Variants in IGHMBP2 observed in about 807,000 individuals in gnomAD.
The protein encoded by IGHMBP2 is immunoglobulin mu DNA binding protein 2.
Under a neutral mutation model 96.0 loss-of-function variants are expected in IGHMBP2, and 81 were observed. The ratio of observed to expected loss-of-function variants is 0.84; its 90% CI spans 0.71 to 1.01. The LOEUF is 1.01. Ranked by LOEUF, IGHMBP2 falls within the 50% of genes least tolerant of loss-of-function variation. IGHMBP2 has a pLI of 0.00. For missense variants in IGHMBP2, 1,227 were observed against 1,306.3 expected (o/e 0.94, Z 0.94); for synonymous variants, 557 against 548.9 (o/e 1.01, Z -0.21).
chr11:68,925,023 A>G lies in IGHMBP2; in HGVS notation c.1061-4160A>G, dbSNP rs543627717. ...TAGCATATTTTATGTGTGGCCCAAG[A>G]CAATTCTTCTTCTTTTAATATGGCC... On this transcript the variant is annotated intron_variant, in intron 7 of 14. Transcript: ENST00000255078. Among the ~76,000 whole-genome samples, 203 of 152,050 alleles carry G rather than the reference A, an allele frequency of 1.3e-3. 2 individuals carry two copies. The highest frequency in any genetic ancestry group is 4.3e-4 in the Non-Finnish European group (29 of 68,014).
At chr11:68,934,924 G>A (rs1859466581) in intron 11 of IGHMBP2, among the ~76,000 whole-genome samples, 1 of 152,256 alleles carries the variant, frequency 6.6e-6, no homozygotes. Flanking sequence ...GAGCCTTGCT[G>A]GTCTGGCTCA....
At chr11:68,933,621 G>A (rs1859403997) in intron 9 of IGHMBP2, 140 bp downstream of exon 9, 2 of 1,190,882 alleles carry the variant, frequency 1.7e-6, no homozygotes, top group South Asian at 1.3e-5. Flanking sequence ...AAGAGAGGGT[G>A]GCCTTGCCCT....
Position 68,933,923 on chromosome 11 carries a change from C to G in IGHMBP2, c.1537+10C>G. 6.4e-7 allele frequency: 1 copy of G among 1,555,460 alleles called. No homozygotes were observed. Among genetic ancestry groups the G allele is most frequent in the South Asian group, 1.2e-5 (1 of 86,606 alleles). The stretch of plus-strand genomic sequence containing the variant: ...TCGAAAGGGAACCCTGGTGAGCTTG[C>G]TTGCAGATGGCCAGCTTTTTTGTTT... On this transcript the variant is annotated intron_variant, in intron 10 of 14. Transcript: ENST00000255078.
chr11:68,924,392 C>G (rs1858988799), intron 7 of IGHMBP2, among the ~76,000 whole-genome samples: 1 of 152,228 alleles, frequency 6.6e-6, no homozygotes, highest in Non-Finnish European at 1.5e-5. Flanking sequence ...GAAAACAACC[C>G]ACGTTTATTA....
At chr11:68,922,755 T>A (rs369995027) in intron 7 of IGHMBP2, among the ~76,000 whole-genome samples, 1 of 152,212 alleles carries the variant, frequency 6.6e-6, no homozygotes, top group African/African-American at 2.4e-5. Context: ...AATGTTTAAG[T>A]GTACTATATA....
chr11:68,920,013 T>C (rs1323072257), intron 7 of IGHMBP2, among the ~76,000 whole-genome samples: 1 of 152,184 alleles, frequency 6.6e-6, no homozygotes, highest in Non-Finnish European at 1.5e-5. Context: ...TCTAGAACAT[T>C]TTCATCTTGC....
intron 13 of IGHMBP2, 128 bp from the exon 14 acceptor site, chr11:68,938,054 T>G: frequency 3.8e-6 from 4 of 1,044,890 alleles, no homozygotes; most frequent in Non-Finnish European, 6.0e-6. Context: ...TCCTCCTACC[T>G]CAGCCTCCCA....
rs1485885635 is a variant in IGHMBP2, at chr11:68,917,731, T to TA, written c.913-4dup. 6.2e-7 allele frequency: 1 copy of TA among 1,608,382 alleles called. No homozygotes were observed. The highest frequency in any genetic ancestry group is 8.5e-7 in the Non-Finnish European group (1 of 1,175,462). Reference sequence around the variant, plus strand: ...TAAGTGTATCTCCTTTGTTTTTCTTTATAGGTGAAAAACAAAAAGACCCAG... The same window carrying TA: ...TAAGTGTATCTCCTTTGTTTTTCTTTAATAGGTGAAAAACAAAAAGACCCAG... On this transcript the variant is annotated splice_polypyrimidine_tract_variant and splice_region_variant and intron_variant, in intron 6 of 14. Transcript: ENST00000255078.
chr11:68,918,141 C>T (rs1328417901), intron 7 of IGHMBP2, among the ~76,000 whole-genome samples: 1 of 152,078 alleles, frequency 6.6e-6, no homozygotes, highest in Non-Finnish European at 1.5e-5. Flanking sequence ...AGAAGTTTGT[C>T]CATTTTATCT....
Position 68,935,349 on chromosome 11 carries a change from CA to C in IGHMBP2, c.1685del (p.Lys562SerfsTer14). The C allele has an allele frequency of 6.2e-7, 1 of 1,614,162 alleles. No individual in the cohort carries two copies. The highest frequency in any genetic ancestry group is 8.5e-7 in the Non-Finnish European group (1 of 1,180,034). On this transcript the variant is annotated frameshift_variant, in exon 12 of 15. Transcript: ENST00000255078. LOFTEE classifies it high-confidence loss of function. ...LVHRHPELEI[K>X]SVDGFQGREK... is the part of the protein sequence containing the mutation. ...TGCACAGGCACCCTGAGCTTGAAAT[CA>C]AGTCTGTCGATGGCTTCCAAGGCCG...
At chr11:68,914,237 GT>G (rs1207943945) in intron 5 of IGHMBP2, among the ~76,000 whole-genome samples, 1 of 151,720 alleles carries the variant, frequency 6.6e-6, no homozygotes, top group Non-Finnish European at 1.5e-5. Flanking sequence ...TATTGAGCCG[GT>G]TTCTCCATGA....
At chr11:68,930,252 G>A (rs913212875) in intron 8 of IGHMBP2, 30 of 1,276,362 alleles carry the variant, frequency 2.4e-5, no homozygotes, top group African/African-American at 9.2e-5. Flanking sequence ...CACTTCCACC[G>A]GGGGAAGATT....
chr11:68,927,128 C>T (rs1859102287), intron 7 of IGHMBP2, among the ~76,000 whole-genome samples: 1 of 152,116 alleles, frequency 6.6e-6, no homozygotes, highest in African/African-American at 2.4e-5. Context: ...TCTCTACGTG[C>T]CTTGTAGTTT....
intron 8 of IGHMBP2, 106 bp downstream of exon 8, chr11:68,929,463 C>T (rs544028854): frequency 1.9e-6 from 2 of 1,036,726 alleles, no homozygotes; most frequent in South Asian, 2.9e-5. Context: ...GCGGTGCCTC[C>T]TCGGTTTCTC....
chr11:68,938,385 A>G, intron 14 of IGHMBP2, 31 bp downstream of exon 14: 6 of 1,575,832 alleles, frequency 3.8e-6, no homozygotes, highest in Non-Finnish European at 5.2e-6. Context: ...GCGATCAAAC[A>G]GTGGGGAGGG....
chr11:68,912,328 C>T (rs944502461), intron 5 of IGHMBP2, among the ~76,000 whole-genome samples: 1 of 151,998 alleles, frequency 6.6e-6, no homozygotes, highest in Non-Finnish European at 1.5e-5. Flanking sequence ...GATGGAGTTT[C>T]ACCACATTGG....
intron 6 of IGHMBP2, 143 bp downstream of exon 6, chr11:68,915,166 C>CCTTTTTTTTTTTTTT (rs1191505010): frequency 2.4e-5 from 5 of 206,354 alleles, no homozygotes; most frequent in African/African-American, 2.2e-4. Context: ...TTGGGCTGCC[C>CCTTTTTTTTTTTTTT]TTTTTTTTTT....
At position 68,911,430 on chromosome 11, in the gene IGHMBP2, T is replaced by C; in HGVS notation, c.548-10T>C. ...AGCACCTGAGCCTCACGCTGCTGCT[T>C]CTTCCACAGACCCGCTGACATTCTT... On this transcript the variant is annotated splice_polypyrimidine_tract_variant and intron_variant, in intron 4 of 14. Coordinates refer to ENST00000255078, the MANE Select transcript of IGHMBP2 (RefSeq NM_002180.3). The C allele has an allele frequency of 3.1e-6, 5 of 1,613,326 alleles. No homozygotes were observed. Among genetic ancestry groups the C allele is most frequent in the Non-Finnish European group, 4.2e-6 (5 of 1,179,874 alleles).
rs779167784 is a variant in IGHMBP2 at position 68,911,449 on chromosome 11, C to T, written c.557C>T (p.Thr186Ile). The T allele has an allele frequency of 2.5e-6, 4 of 1,614,006 alleles. No individual in the cohort carries two copies. The South Asian group carries it at 4.4e-5, about 18-fold the overall frequency. The change falls in exon 5 of 15, where the codon ACA (threonine) becomes ATA (isoleucine). Residue 186 changes from threonine to isoleucine, a missense_variant. Transcript: ENST00000255078. The part of the protein sequence containing the change: ...PSPASEIHPL[T>I]FFNTCLDTSQ... ...GCTGCTTCTTCCACAGACCCGCTGA[C>T]ATTCTTCAACACCTGCCTGGACACC...
Sources: allele counts gnomAD v4.1 joint callset (sites outside exome capture counted in the v4.1 genomes callset), GRCh38; gene constraint gnomAD v4.1.1; transcripts MANE v1.5; gene names NCBI Gene and HGNC (gene_info 2026-07-23, HGNC 2026-07-21).